Variants in SLC30A4 observed in about 807,000 individuals in gnomAD.
The protein encoded by SLC30A4 is probable proton-coupled zinc antiporter SLC30A4.
In SLC30A4, 20 loss-of-function variants were observed where a neutral mutation model predicts 41.7. The ratio of observed to expected loss-of-function variants is 0.48; its 90% CI spans 0.34 to 0.70. The LOEUF (loss-of-function observed/expected upper bound fraction) is 0.70, where lower values mean the gene tolerates loss of function less well. Among genes scored for constraint, SLC30A4 ranks in the 30% least tolerant of loss-of-function variants. The pLI, the probability that SLC30A4 is intolerant of heterozygous loss-of-function variation, is 0.01. For missense variants in SLC30A4, 441 were observed against 529.3 expected (o/e 0.83, Z 1.64); for synonymous variants, 181 against 195.9 (o/e 0.92, Z 0.64).
rs143308106 is a variant in SLC30A4 at position 45,504,865 on chromosome 15, T to C, written c.538+6273A>G. 4.6e-5 allele frequency among the ~76,000 whole-genome samples: 7 copies of C among 152,308 alleles called. No individual in the cohort carries two copies. In the East Asian group the frequency reaches 7.7e-4, roughly 17 times the overall value. ...GGGAGCCAGAGCTTGAGCCAAACTA[T>C]TGGTCTCAGGGTCTGTTCTCTTGAC... On this transcript the variant is annotated intron_variant, in intron 3 of 7. Transcript: ENST00000261867.
At position 45,492,229 on chromosome 15, in the gene SLC30A4, A is replaced by C. The variant is rs548373543; in HGVS notation, c.539-1348T>G. Among the ~76,000 whole-genome samples the C allele has an allele frequency of 1.6e-3, 247 of 151,938 alleles. 1 individual carries two copies. The highest frequency in any genetic ancestry group is 4.7e-3 in the Admixed American group (72 of 15,244). ...GTAGCATCCAAAAAAAAAAAAAAAAAAACTCTGGAGACATCCTAAATGTCC... is the reference window on the plus strand; with the variant it reads ...GTAGCATCCAAAAAAAAAAAAAAAACAACTCTGGAGACATCCTAAATGTCC... On this transcript the variant is annotated intron_variant, in intron 3 of 7. Coordinates refer to ENST00000261867, the MANE Select transcript of SLC30A4 (RefSeq NM_013309.6).
intron 3 of SLC30A4, among the ~76,000 whole-genome samples, chr15:45,501,045 C>T (rs1257639207): frequency 2.0e-5 from 3 of 151,180 alleles, no homozygotes; most frequent in East Asian, 4.0e-4. Flanking sequence ...CGGTGGCTCA[C>T]GCCTGTAATC....
Position 45,488,943 on chromosome 15 carries a change from A to C in SLC30A4, c.792T>G (p.His264Gln), listed in dbSNP as rs370262043. 2.5e-6 allele frequency: 4 copies of C among 1,614,158 alleles called. No individual in the cohort carries two copies. The South Asian group carries it at 3.3e-5, about 13-fold the overall frequency. Residue 264 changes from histidine to glutamine, a missense_variant, in exon 5 of 8, where the codon CAT becomes CAG. His to Gln is a conservative substitution (Grantham distance 24). Transcript: ENST00000261867. ...PTRGSGCERN[H>Q]GQDSLAVRAA... Reference sequence around the variant, plus strand: ...CTCTCACTGCCAGGCTATCCTGCCCATGGTTACGTTCACACCCAGAACCTC... The same window carrying C: ...CTCTCACTGCCAGGCTATCCTGCCCCTGGTTACGTTCACACCCAGAACCTC...
At chr15:45,486,253 C>T (rs1891704709) in intron 7 of SLC30A4, among the ~76,000 whole-genome samples, 2 of 152,222 alleles carry the variant, frequency 1.3e-5, no homozygotes, top group Admixed American at 6.5e-5. Flanking sequence ...AAACTCCTGA[C>T]CTCAGGTGAT....
chr15:45,507,321 AAAAT>A (rs58217872), intron 3 of SLC30A4, among the ~76,000 whole-genome samples: 28,084 of 140,820 alleles, frequency 0.2, 3,782 homozygotes, highest in African/African-American at 0.39. Context: ...CTCTGTCTCA[AAAAT>A]AAATAAATAA....
intron 2 of SLC30A4, among the ~76,000 whole-genome samples, chr15:45,516,513 T>C (rs1187760866): frequency 6.6e-6 from 1 of 152,178 alleles, no homozygotes; most frequent in Non-Finnish European, 1.5e-5. Context: ...TTTGTTGCTA[T>C]CTTTTCCTCT....
Position 45,522,077 on chromosome 15 carries a change from T to C in SLC30A4, c.278A>G (p.Asp93Gly). ...CTGTTTGCTGCAGTTGTCACAGGAGTCCACCTTCAAACTCAGCTGACTGTT... is the reference window on the plus strand; with the variant it reads ...CTGTTTGCTGCAGTTGTCACAGGAGCCCACCTTCAAACTCAGCTGACTGTT... The part of the protein sequence containing the change: ...LTNSQLSLKV[D>G]SCDNCSKQRE... The change falls in exon 2 of 8, where the codon GAC becomes GGC. Residue 93 changes from aspartate (D) to glycine (G), a missense_variant. Physicochemically the swap from Asp to Gly is moderately conservative, Grantham distance 94. This residue lies in a region of SLC30A4 where 312 missense variants were observed against 341.9 expected (regional missense o/e 0.91). Coordinates refer to ENST00000261867, the MANE Select transcript of SLC30A4 (RefSeq NM_013309.6). 1 of 1,614,146 alleles carries C rather than the reference T, an allele frequency of 6.2e-7. No homozygotes were observed. The highest frequency in any genetic ancestry group is 8.5e-7 in the Non-Finnish European group (1 of 1,180,022).
intron 7 of SLC30A4, among the ~76,000 whole-genome samples, chr15:45,486,370 A>G (rs1891706748): frequency 6.6e-6 from 1 of 152,160 alleles, no homozygotes. Flanking sequence ...TCAGTTTGTA[A>G]TATCTCAAAG....
At chr15:45,487,080 G>A (rs975917453) in intron 6 of SLC30A4, among the ~76,000 whole-genome samples, 5 of 151,950 alleles carry the variant, frequency 3.3e-5, no homozygotes, top group African/African-American at 1.2e-4. Context: ...TAAGCCTATT[G>A]TTAAGAACTT....
At chr15:45,487,910 A>G (rs1334298395) in intron 5 of SLC30A4, among the ~76,000 whole-genome samples, 1 of 79,614 alleles carries the variant, frequency 1.3e-5, no homozygotes, top group African/African-American at 5.0e-5. Flanking sequence ...GGAAAGAAGT[A>G]AGTGTGTGTG....
intron 2 of SLC30A4, chr15:45,519,361 C>T (rs1316932883): frequency 6.6e-6 from 1 of 151,800 alleles, no homozygotes; most frequent in Non-Finnish European, 1.5e-5. Flanking sequence ...TCTCAGCCTC[C>T]CCAGTAGCTG....
At chr15:45,494,740 C>T (rs886737843) in intron 3 of SLC30A4, among the ~76,000 whole-genome samples, 5 of 152,058 alleles carry the variant, frequency 3.3e-5, no homozygotes, top group South Asian at 2.1e-4. Context: ...TTTAAAAATT[C>T]GAAACTGTAG....
chr15:45,496,819 A>C (rs1429522318), intron 3 of SLC30A4, among the ~76,000 whole-genome samples: 1 of 150,330 alleles, frequency 6.7e-6, no homozygotes, highest in Non-Finnish European at 1.5e-5. Flanking sequence ...AACATGGTGA[A>C]ATCCCATCTC....
intron 5 of SLC30A4, among the ~76,000 whole-genome samples, chr15:45,488,286 T>G (rs979442126): frequency 1.2e-4 from 18 of 152,148 alleles, no homozygotes; most frequent in African/African-American, 4.3e-4. Flanking sequence ...AAAATTGAGT[T>G]ATCTGGGCAA....
At chr15:45,505,167 G>T (rs759014393) in intron 3 of SLC30A4, among the ~76,000 whole-genome samples, 65 of 150,574 alleles carry the variant, frequency 4.3e-4, no homozygotes, top group Non-Finnish European at 8.1e-4. Flanking sequence ...GGAGGTGGAG[G>T]TTGCAATGAG....
intron 2 of SLC30A4, among the ~76,000 whole-genome samples, chr15:45,514,603 C>T (rs910807273): frequency 4.0e-5 from 6 of 150,204 alleles, no homozygotes; most frequent in African/African-American, 1.2e-4. Flanking sequence ...CAACCTCCGC[C>T]TTCTGGGTTC....
Position 45,484,911 on chromosome 15 carries a change from G to A in SLC30A4, c.*252C>T. ...TATGATCTTGGATTGTCTTCTATGAGGTATCTGTAGAGTCACATCTCATTC... is the reference window on the plus strand; with the variant it reads ...TATGATCTTGGATTGTCTTCTATGAAGTATCTGTAGAGTCACATCTCATTC... On this transcript the variant is annotated 3_prime_UTR_variant, in exon 8 of 8. Transcript: ENST00000261867. 1 of 418,614 alleles carries A rather than the reference G, an allele frequency of 2.4e-6. No individual in the cohort carries two copies. Among genetic ancestry groups the A allele is most frequent in the East Asian group, 4.1e-5 (1 of 24,446 alleles). 25.9% of individuals were successfully genotyped at this position (418,614 alleles called of 1,614,324 possible).
chr15:45,499,139 G>A (rs1267649162), intron 3 of SLC30A4, among the ~76,000 whole-genome samples: 1 of 147,540 alleles, frequency 6.8e-6, no homozygotes, highest in Non-Finnish European at 1.5e-5. Context: ...CTGTAGTGCA[G>A]TGGCACCATC....
At chr15:45,496,523 G>C (rs544686729) in intron 3 of SLC30A4, among the ~76,000 whole-genome samples, 9 of 152,216 alleles carry the variant, frequency 5.9e-5, no homozygotes, top group African/African-American at 2.2e-4. Context: ...CTGGATTTCT[G>C]TGAAAGCTAC....
Sources: allele counts gnomAD v4.1 joint callset (sites outside exome capture counted in the v4.1 genomes callset), GRCh38; gene constraint gnomAD v4.1.1; regional missense constraint gnomAD v4.1.1; transcripts MANE v1.5; gene names NCBI Gene and HGNC (gene_info 2026-07-23, HGNC 2026-07-21).